Variants in RBFOX1 observed in about 807,000 individuals in gnomAD.
The protein encoded by RBFOX1 is RNA binding protein fox-1 homolog 1.
RBFOX1 carries 8 observed loss-of-function variants against 57.7 expected under a neutral mutation model. The ratio of observed to expected loss-of-function variants is 0.14; its 90% CI spans 0.08 to 0.25. The LOEUF (loss-of-function observed/expected upper bound fraction) is 0.25. Among genes scored for constraint, RBFOX1 ranks in the 10% least tolerant of loss-of-function variants. The probability of loss-of-function intolerance (pLI) is 1.00; values close to 1 mark genes in which losing one functional copy is unlikely to be tolerated. For synonymous variants in RBFOX1, 326 were observed against 222.4 expected, an observed-to-expected ratio of 1.47 and a Z score of -4.15; for missense variants, 611 against 548.5, an observed-to-expected ratio of 1.11 and a Z score of -1.14.
At chr16:7,094,089 T>A (rs112214725) in intron 4 of RBFOX1, among the ~76,000 whole-genome samples, 6 of 150,738 alleles carry the variant, frequency 4.0e-5, no homozygotes, top group Non-Finnish European at 8.8e-5. Flanking sequence ...AGATGTGAAA[T>A]AGCCCTTCTC....
At chr16:6,112,258 C>G (rs1039530105) in intron 1 of RBFOX1, among the ~76,000 whole-genome samples, 4 of 152,118 alleles carry the variant, frequency 2.6e-5, no homozygotes, top group Admixed American at 2.6e-4. Flanking sequence ...AGAACAGTGT[C>G]TGGAATCTTG....
At chr16:5,860,827 C>T (rs977077662) in intron 3 of RBFOX1, among the ~76,000 whole-genome samples, 3 of 152,082 alleles carry the variant, frequency 2.0e-5, no homozygotes, top group Non-Finnish European at 2.9e-5. Flanking sequence ...TACTGGGAGG[C>T]CAGCAAAAAG....
intron 4 of RBFOX1, among the ~76,000 whole-genome samples, chr16:6,005,280 C>A (rs1341484866): frequency 1.3e-5 from 2 of 152,186 alleles, no homozygotes; most frequent in African/African-American, 4.8e-5. Context: ...ATGATCACAC[C>A]TTCCAGGAAC....
At chr16:5,785,443 T>A (rs2054466729) in intron 3 of RBFOX1, among the ~76,000 whole-genome samples, 1 of 152,176 alleles carries the variant, frequency 6.6e-6, no homozygotes, top group Admixed American at 6.5e-5. Context: ...TTGACGATCC[T>A]TCCATTTTCT....
intron 3 of RBFOX1, among the ~76,000 whole-genome samples, chr16:5,737,766 T>C (rs1433393111): frequency 2.6e-5 from 4 of 152,188 alleles, no homozygotes; most frequent in African/African-American, 9.6e-5. Context: ...ACTTGTACAC[T>C]TTAAATGGAT....
chr16:7,213,432 A>G (rs12443552), intron 4 of RBFOX1, among the ~76,000 whole-genome samples: 1 of 151,886 alleles, frequency 6.6e-6, no homozygotes, highest in African/African-American at 2.4e-5. Flanking sequence ...GCCTGACATT[A>G]AAGATTCACA....
At chr16:5,501,456 G>T (rs1361368858) in intron 2 of RBFOX1, among the ~76,000 whole-genome samples, 1 of 152,156 alleles carries the variant, frequency 6.6e-6, no homozygotes, top group Non-Finnish European at 1.5e-5. Context: ...GGAAGGGTTG[G>T]TGAGGAGTGG....
chr16:7,034,874 A>T (rs1353596578), intron 3 of RBFOX1, among the ~76,000 whole-genome samples: 1 of 11,498 alleles, frequency 8.7e-5, no homozygotes, highest in Non-Finnish European at 1.4e-4. Context: ...TTTGAGATGG[A>T]GTCCTGCTCT....
intron 3 of RBFOX1, among the ~76,000 whole-genome samples, chr16:6,944,690 G>C (rs2079156497): frequency 6.6e-6 from 1 of 152,154 alleles, no homozygotes; most frequent in Non-Finnish European, 1.5e-5. Flanking sequence ...CTGATTTCAT[G>C]GTTCAGTACA....
chr16:6,213,866 A>T (rs2097314333), intron 1 of RBFOX1, among the ~76,000 whole-genome samples: 3 of 152,052 alleles, frequency 2.0e-5, no homozygotes. Context: ...ATGGGAGGGG[A>T]TGGGGTCAGG....
At chr16:5,890,595 G>C (rs749767123) in intron 4 of RBFOX1, among the ~76,000 whole-genome samples, 7 of 151,610 alleles carry the variant, frequency 4.6e-5, no homozygotes, top group Non-Finnish European at 8.8e-5. Flanking sequence ...TACTCCAGAG[G>C]CTGAAGCAGG....
chr16:6,746,516 A>G (rs1009226394), intron 3 of RBFOX1, among the ~76,000 whole-genome samples: 4 of 151,994 alleles, frequency 2.6e-5, no homozygotes, highest in Admixed American at 2.0e-4. Context: ...ATCTCAACAA[A>G]AAATACAAAA....
At chr16:7,261,884 A>G (rs867986848) in intron 4 of RBFOX1, among the ~76,000 whole-genome samples, 98 of 152,286 alleles carry the variant, frequency 6.4e-4, no homozygotes, top group African/African-American at 2.0e-3. Flanking sequence ...TCCTTTGGGC[A>G]TCAATAGTGT....
intron 2 of RBFOX1, among the ~76,000 whole-genome samples, chr16:6,349,990 A>G (rs538040383): frequency 1.8e-4 from 27 of 152,260 alleles, no homozygotes; most frequent in African/African-American, 5.8e-4. Flanking sequence ...TTGGCAAAAC[A>G]TGTAGAAAAG....
intron 3 of RBFOX1, among the ~76,000 whole-genome samples, chr16:6,894,790 G>A (rs943492235): frequency 6.6e-6 from 1 of 152,122 alleles, no homozygotes; most frequent in Non-Finnish European, 1.5e-5. Context: ...CATTTTCCCT[G>A]TGTTTGTAAT....
intron 4 of RBFOX1, among the ~76,000 whole-genome samples, chr16:7,326,195 G>A (rs187888543): frequency 3.5e-4 from 54 of 152,312 alleles, no homozygotes; most frequent in Non-Finnish European, 1.8e-4. Flanking sequence ...CAAACACAGG[G>A]ATTGAGGAGG....
At chr16:5,694,178 T>A (rs1376629080) in intron 3 of RBFOX1, among the ~76,000 whole-genome samples, 1 of 152,196 alleles carries the variant, frequency 6.6e-6, no homozygotes, top group Non-Finnish European at 1.5e-5. Context: ...GATTTTGCAT[T>A]CTGCATTTTT....
chr16:6,906,453 C>T (rs540903320), intron 3 of RBFOX1, among the ~76,000 whole-genome samples: 5 of 151,986 alleles, frequency 3.3e-5, no homozygotes, highest in Admixed American at 3.3e-4. Context: ...GGAAATGCGA[C>T]TTTATTTTGA....
intron 4 of RBFOX1, among the ~76,000 whole-genome samples, chr16:7,174,795 A>G (rs1405369470): frequency 6.6e-6 from 1 of 152,162 alleles, no homozygotes; most frequent in East Asian, 1.9e-4. Context: ...AAACAGACAA[A>G]CAAAACAAAC....
Sources: allele counts gnomAD v4.1 joint callset (sites outside exome capture counted in the v4.1 genomes callset), GRCh38; gene constraint gnomAD v4.1.1; transcripts MANE v1.5; gene names NCBI Gene and HGNC (gene_info 2026-07-23, HGNC 2026-07-21).